The following LATS1 variants were observed in gnomAD, a reference collection of about 807,000 sequenced individuals.
The protein encoded by LATS1 is large tumor suppressor kinase 1.
In LATS1, 25 loss-of-function variants were observed where a neutral mutation model predicts 106.6. That is an observed-to-expected ratio of 0.23 (90% CI 0.17 to 0.33). The LOEUF is 0.33. Ranked by LOEUF, LATS1 falls within the 10% of genes least tolerant of loss-of-function variation. LATS1 has a pLI of 1.00. For missense variants in LATS1, 1,040 were observed against 1,382.6 expected (o/e 0.75, Z 3.93); for synonymous variants, 465 against 455.6 (o/e 1.02, Z -0.26).
chr6:149,675,259 C>T (rs1462264047), intron 7 of LATS1, among the ~76,000 whole-genome samples: 2 of 149,272 alleles, frequency 1.3e-5, no homozygotes, highest in African/African-American at 4.9e-5. Context: ...GTTAATTAGA[C>T]TTCAGAAAGG....
Position 149,691,691 on chromosome 6 carries a change from C to T in LATS1, c.496+3383G>A, listed in dbSNP as rs536462034. On this transcript the variant is annotated intron_variant, in intron 3 of 7. Transcript: ENST00000543571. ...TTAAATAATAAGCTTGGTTGCAGGC[C>T]ATCTTATTATTTTGTCTATGTAACA... Among the ~76,000 whole-genome samples the T allele has an allele frequency of 2.0e-5, 3 of 152,168 alleles. No homozygotes were observed. In the South Asian group the frequency reaches 6.2e-4, roughly 32 times the overall value.
intron 7 of LATS1, 64 bp from the exon 8 acceptor site, chr6:149,662,302 T>A (rs183352851): frequency 7.6e-6 from 10 of 1,319,134 alleles, no homozygotes; most frequent in African/African-American, 1.5e-5. Context: ...TTCCTTCAAG[T>A]TTTATACCAA....
intron 1 of LATS1, among the ~76,000 whole-genome samples, chr6:149,715,079 T>C (rs1784311425): frequency 6.6e-6 from 1 of 152,106 alleles, no homozygotes; most frequent in African/African-American, 2.4e-5. Flanking sequence ...CTTTATTTCT[T>C]TATTTATTTT....
rs549915943 is a variant in LATS1 at position 149,691,709 on chromosome 6, A to G, written c.496+3365T>C. Among the ~76,000 whole-genome samples, 5 of 152,196 alleles carry G rather than the reference A, an allele frequency of 3.3e-5. No individual in the cohort carries two copies. In the East Asian group the frequency reaches 9.7e-4, roughly 29 times the overall value. On this transcript the variant is annotated intron_variant, in intron 3 of 7. Transcript: ENST00000543571. Reference sequence around the variant, plus strand: ...TGCAGGCCATCTTATTATTTTGTCTATGTAACATCCCTTAGGTGACCTATT... The same window carrying G: ...TGCAGGCCATCTTATTATTTTGTCTGTGTAACATCCCTTAGGTGACCTATT...
chr6:149,695,001 T>C (rs1000861529), intron 3 of LATS1, 73 bp downstream of exon 3: 21 of 1,238,596 alleles, frequency 1.7e-5, no homozygotes, highest in South Asian at 1.8e-5. Context: ...AGAAGGAAGA[T>C]TTGATAGACT....
intron 7 of LATS1, among the ~76,000 whole-genome samples, chr6:149,667,340 G>A (rs2114708204): frequency 6.6e-6 from 1 of 150,998 alleles, no homozygotes. Flanking sequence ...AGGCTGAGGT[G>A]GAAGGATCAC....
At position 149,680,030 on chromosome 6, in the gene LATS1, G is replaced by T. The variant is rs1327686413; in HGVS notation, c.2438C>A (p.Thr813Asn). 2 of 1,614,004 alleles carry T rather than the reference G, an allele frequency of 1.2e-6. No individual in the cohort carries two copies. Among genetic ancestry groups the T allele is most frequent in the East Asian group, 2.2e-5 (1 of 44,876 alleles). The change falls in exon 5 of 8, where the codon ACC becomes AAC. Residue 813 changes from threonine (T) to asparagine (N), a missense_variant. By Grantham distance (65) the Thr-to-Asn change is moderately conservative. Transcript: ENST00000543571. ...TTTATGAACACTTTCAACTGCACAG[G>T]TAAGTTCTGCTATGTAGAATCGTGC... ...SLARFYIAEL[T>N]CAVESVHKMG...
chr6:149,682,635 C>T (rs1782117077), intron 4 of LATS1, among the ~76,000 whole-genome samples: 2 of 152,004 alleles, frequency 1.3e-5, no homozygotes, highest in South Asian at 4.2e-4. Context: ...AGGATGGTCT[C>T]GATCTCCTGA....
In LATS1 at chr6:149,684,571, T is replaced by C; in HGVS notation, c.518A>G (p.Asn173Ser). The change falls in exon 4 of 8, where the codon AAC (asparagine) becomes AGC (serine). Residue 173 changes from asparagine to serine, a missense_variant. This residue lies in a region of LATS1 where 624 missense variants were observed against 714.8 expected (regional missense o/e 0.87). Coordinates refer to ENST00000543571, the MANE Select transcript of LATS1 (RefSeq NM_004690.4). ...AGAACCTTTCCAGCTCTGTTTGCGGTTAACTGATTGCTGCACATTCCCTAT... is the reference window on the plus strand; with the variant it reads ...AGAACCTTTCCAGCTCTGTTTGCGGCTAACTGATTGCTGCACATTCCCTAT... ...MKPGNVQQSV[N>S]RKQSWKGSKE... The C allele has an allele frequency of 6.2e-7, 1 of 1,601,344 alleles. No homozygotes were observed.
intron 7 of LATS1, among the ~76,000 whole-genome samples, chr6:149,666,542 C>T (rs1264020596): frequency 2.0e-5 from 3 of 151,562 alleles, no homozygotes; most frequent in South Asian, 2.1e-4. Flanking sequence ...TGCTTGAACC[C>T]GGGAGGCGGT....
chr6:149,687,873 C>CTT (rs1040108644), intron 3 of LATS1, among the ~76,000 whole-genome samples: 22 of 133,864 alleles, frequency 1.6e-4, no homozygotes, highest in African/African-American at 2.5e-4. Flanking sequence ...TGACCCTCCT[C>CTT]TTTTTTTTTT....
intron 1 of LATS1, among the ~76,000 whole-genome samples, chr6:149,712,385 A>T (rs957813177): frequency 6.6e-6 from 1 of 152,054 alleles, no homozygotes; most frequent in African/African-American, 2.4e-5. Flanking sequence ...TTTAGTAGAG[A>T]CGGAGTTTCT....
chr6:149,688,943 G>A (rs530916071), intron 3 of LATS1, among the ~76,000 whole-genome samples: 54 of 152,058 alleles, frequency 3.6e-4, no homozygotes, highest in African/African-American at 1.2e-3. Context: ...CGAGGTGGGC[G>A]GATCACCTGA....
intron 7 of LATS1, among the ~76,000 whole-genome samples, chr6:149,665,704 A>T (rs1781108454): frequency 1.3e-5 from 2 of 152,166 alleles, no homozygotes; most frequent in South Asian, 4.1e-4. Context: ...TAAGGAAAAG[A>T]CCACAGCCTA....
At position 149,659,296 on chromosome 6, in the gene LATS1, C is replaced by G. The variant is rs910502010; in HGVS notation, c.*2433G>C. On this transcript the variant is annotated 3_prime_UTR_variant, in exon 8 of 8. Transcript: ENST00000543571. Reference sequence around the variant, plus strand: ...CAACCTGGGCAACATGGCGAAACCCCATCTCTACTAAAGATACAAAAATTA... The same window carrying G: ...CAACCTGGGCAACATGGCGAAACCCGATCTCTACTAAAGATACAAAAATTA... The G allele has an allele frequency of 2.7e-5, 5 of 184,640 alleles. No individual in the cohort carries two copies. The highest frequency in any genetic ancestry group is 7.1e-5 in the African/African-American group (3 of 42,338). 11.4% of individuals were successfully genotyped at this position (184,640 alleles called of 1,614,324 possible). A position where few individuals can be genotyped will look rare whatever the true frequency, so the allele number is the denominator to read the frequency against.
Position 149,697,227 on chromosome 6 carries a change from G to C in LATS1, c.349-2006C>G, listed in dbSNP as rs779242376. 5.2e-5 allele frequency: 48 copies of C among 929,502 alleles called. No individual in the cohort carries two copies. In the South Asian group the frequency reaches 5.5e-4, roughly 11 times the overall value. 57.6% of individuals were successfully genotyped at this position (929,502 alleles called of 1,614,324 possible). ...AGAGAAGAATGTGAGACCAACCAAA[G>C]AAAGGATGTGGTAAGAACTTATTGC... On this transcript the variant is annotated intron_variant, in intron 2 of 7. Transcript: ENST00000543571.
chr6:149,683,874 A>G lies in LATS1; in HGVS notation c.1215T>C (p.Ile405=). The stretch of plus-strand genomic sequence containing the variant: ...TGTTTGGCACCATCATAGACTGAGG[A>G]ATACTTCCATTTGTATATGACGAAG... ...AAPSSYTNGS[I]PQSMMVPNRN... The change falls in exon 4 of 8, where the codon ATT becomes ATC. Residue 405 remains isoleucine (I), a synonymous_variant. Coordinates refer to ENST00000543571, the MANE Select transcript of LATS1 (RefSeq NM_004690.4). 1 of 1,614,070 alleles carries G rather than the reference A, an allele frequency of 6.2e-7. No individual in the cohort carries two copies. The highest frequency in any genetic ancestry group is 1.3e-5 in the African/African-American group (1 of 75,048).
chr6:149,680,152 G>T lies in LATS1; in HGVS notation c.2316C>A (p.Phe772Leu). 6.2e-7 allele frequency: 1 copy of T among 1,613,962 alleles called. No individual in the cohort carries two copies. The highest frequency in any genetic ancestry group is 8.5e-7 in the Non-Finnish European group (1 of 1,179,894). Residue 772 changes from phenylalanine to leucine, a missense_variant, in exon 5 of 8, where the codon TTC becomes TTA. By Grantham distance (22) the Phe-to-Leu change is conservative. Coordinates refer to ENST00000543571, the MANE Select transcript of LATS1 (RefSeq NM_004690.4). Reference sequence around the variant, plus strand: ...CAAAGTATAAATTGTCCTTATCTTGGAATGAATAATATAGACGAACTACCC... The same window carrying T: ...CAAAGTATAAATTGTCCTTATCTTGTAATGAATAATATAGACGAACTACCC... ...NEWVVRLYYS[F>L]QDKDNLYFVM...
At chr6:149,664,038 G>T (rs927760353) in intron 7 of LATS1, among the ~76,000 whole-genome samples, 3 of 151,868 alleles carry the variant, frequency 2.0e-5, no homozygotes, top group Non-Finnish European at 4.4e-5. Flanking sequence ...TCAAACTCCT[G>T]ACCTCAAGTG....
Sources: gnomAD v4.1 joint callset for allele counts (sites outside exome capture counted in the v4.1 genomes callset) on GRCh38, gnomAD v4.1.1 for gene constraint, gnomAD v4.1.1 regional missense constraint, MANE v1.5 for transcripts, NCBI Gene and HGNC (gene_info 2026-07-23, HGNC 2026-07-21) for gene names.